The following HERC4 variants were observed in gnomAD, a reference collection of about 807,000 sequenced individuals.
The protein encoded by HERC4 is HECT and RLD domain containing E3 ubiquitin protein ligase 4.
In HERC4, 28 loss-of-function variants were observed where a neutral mutation model predicts 124.3. The observed-to-expected ratio is 0.23, with a 90% CI of 0.17 to 0.31. The LOEUF (loss-of-function observed/expected upper bound fraction) is 0.31, where lower values mean the gene tolerates loss of function less well. HERC4 is among the 10% of genes least tolerant of loss of function. The probability of loss-of-function intolerance (pLI) is 1.00; values close to 1 mark genes in which losing one functional copy is unlikely to be tolerated. For missense variants in HERC4, 713 were observed against 1,229.3 expected (o/e 0.58, Z 6.28); for synonymous variants, 407 against 421.5 (o/e 0.97, Z 0.42).
At chr10:68,047,606 A>G (rs2040077443) in intron 3 of HERC4, among the ~76,000 whole-genome samples, 1 of 152,258 alleles carries the variant, frequency 6.6e-6, no homozygotes, top group East Asian at 1.9e-4. Context: ...ACAAATGGCA[A>G]GCAGGCATAC....
intron 3 of HERC4, 50 bp from the exon 4 acceptor site, chr10:68,044,613 A>G (rs752105220): frequency 2.0e-6 from 3 of 1,527,850 alleles, no homozygotes; most frequent in African/African-American, 2.8e-5. Context: ...GAAATCAAGG[A>G]AAAAGATATT....
At chr10:67,928,497 A>G (rs2031400235) in intron 23 of HERC4, among the ~76,000 whole-genome samples, 1 of 152,124 alleles carries the variant, frequency 6.6e-6, no homozygotes, top group African/African-American at 2.4e-5. Context: ...AGGAGAGGGG[A>G]CATGCATGGT....
chr10:67,957,968 C>T (rs1427011151), intron 16 of HERC4, among the ~76,000 whole-genome samples: 8 of 152,052 alleles, frequency 5.3e-5, no homozygotes, highest in Admixed American at 1.3e-4. Context: ...TCACCACACC[C>T]GGCTAATTTT....
chr10:67,922,818 C>T lies in HERC4; in HGVS notation c.*113G>A, dbSNP rs1378858674. 4 of 754,960 alleles carry T rather than the reference C, an allele frequency of 5.3e-6. No homozygotes were observed. The highest frequency in any genetic ancestry group is 8.7e-6 in the Non-Finnish European group (4 of 457,424). 46.8% of individuals were successfully genotyped at this position (754,960 alleles called of 1,614,324 possible). A position where few individuals can be genotyped will look rare whatever the true frequency, so the allele number is the denominator to read the frequency against. Reference sequence around the variant, plus strand: ...CATGAACACTCGTAGATTGAACATTCTGCAAGTAAGAATTATAATAGTACC... The same window carrying T: ...CATGAACACTCGTAGATTGAACATTTTGCAAGTAAGAATTATAATAGTACC... On this transcript the variant is annotated 3_prime_UTR_variant, in exon 25 of 25. Transcript: ENST00000373700.
At chr10:68,046,237 C>T (rs112649843) in intron 3 of HERC4, among the ~76,000 whole-genome samples, 7 of 152,068 alleles carry the variant, frequency 4.6e-5, no homozygotes, top group Non-Finnish European at 1.0e-4. Flanking sequence ...TCTGTTATCT[C>T]AGAGGCTCCA....
At chr10:67,973,468 T>C (rs541457589) in intron 15 of HERC4, among the ~76,000 whole-genome samples, 2 of 152,378 alleles carry the variant, frequency 1.3e-5, no homozygotes, top group South Asian at 2.1e-4. Context: ...CAATGAGTTC[T>C]GGCATGTTTT....
At chr10:67,940,881 C>A in intron 20 of HERC4, 58 bp downstream of exon 20, 1 of 1,400,006 alleles carries the variant, frequency 7.1e-7, no homozygotes, top group Non-Finnish European at 9.7e-7. Context: ...CTTTCTGTAC[C>A]TTCCCCACTT....
At chr10:68,012,899 A>T (rs1035640809) in intron 9 of HERC4, among the ~76,000 whole-genome samples, 2 of 152,232 alleles carry the variant, frequency 1.3e-5, no homozygotes, top group Admixed American at 6.5e-5. Flanking sequence ...TGGTGATCTC[A>T]TATCACTAAT....
chr10:67,992,631 C>G lies in HERC4; in HGVS notation c.1121G>C (p.Ser374Thr). The G allele has an allele frequency of 6.5e-7, 1 of 1,541,888 alleles. No homozygotes were observed. Among genetic ancestry groups the G allele is most frequent in the Admixed American group, 1.8e-5 (1 of 56,926 alleles). ...VKRIFSGGDQSFSHYSSPQNC... is the reference protein window; with the variant it reads ...VKRIFSGGDQTFSHYSSPQNC... The stretch of plus-strand genomic sequence containing the variant: ...CTGGGGACTAGAGTAATGTGAAAAG[C>G]TTTGATCTCCCCCTGAGAAAATTCT... The change falls in exon 10 of 25, where the codon AGC becomes ACC. Residue 374 changes from serine (S) to threonine (T), a missense_variant. Ser to Thr is a moderately conservative substitution (Grantham distance 58, BLOSUM62 1). Coordinates refer to ENST00000373700, the MANE Select transcript of HERC4 (RefSeq NM_015601.4).
intron 3 of HERC4, among the ~76,000 whole-genome samples, chr10:68,056,559 T>C (rs193033539): frequency 2.0e-5 from 3 of 152,332 alleles, no homozygotes; most frequent in African/African-American, 7.2e-5. Context: ...GTGACTTGAA[T>C]TCTTATAAGA....
chr10:68,061,186 A>G (rs950127725), intron 3 of HERC4, among the ~76,000 whole-genome samples: 3 of 152,154 alleles, frequency 2.0e-5, no homozygotes, highest in Non-Finnish European at 2.9e-5. Flanking sequence ...AAAGCAACTT[A>G]TACCTATGTC....
intron 5 of HERC4, among the ~76,000 whole-genome samples, chr10:68,035,980 C>T (rs1195004796): frequency 6.6e-6 from 1 of 152,078 alleles, no homozygotes; most frequent in African/African-American, 2.4e-5. Context: ...CTGCTTATTA[C>T]TGTATACTGT....
intron 3 of HERC4, among the ~76,000 whole-genome samples, chr10:68,059,843 T>TATTATATATCATAATATATATTATAATA (rs1564609898): frequency 3.8e-5 from 1 of 26,310 alleles, no homozygotes; most frequent in Non-Finnish European, 5.2e-5. Context: ...TATATTATAA[T>TATTATATATCATAATATATATTATAATA]ATATTATATA....
chr10:68,039,383 T>C, intron 4 of HERC4: 1 of 1,543,442 alleles, frequency 6.5e-7, no homozygotes, highest in East Asian at 2.4e-5. Context: ...ACAATATGTT[T>C]CTTATTTCCC....
chr10:68,017,241 A>G (rs986246535), intron 8 of HERC4, among the ~76,000 whole-genome samples: 1 of 152,290 alleles, frequency 6.6e-6, no homozygotes, highest in African/African-American at 2.4e-5. Context: ...CAAGAACGAG[A>G]TATGTAACAA....
At position 67,925,204 on chromosome 10, in the gene HERC4, C is replaced by G. The variant is rs111617068; in HGVS notation, c.2839-17G>C. 96,568 of 1,403,526 alleles carry G rather than the reference C, an allele frequency of 0.069. 4,030 individuals carry two copies. The highest frequency in any genetic ancestry group is 0.082 in the Non-Finnish European group (81,132 of 990,664). 86.9% of individuals were successfully genotyped at this position (1,403,526 alleles called of 1,614,324 possible). A position where few individuals can be genotyped will look rare whatever the true frequency, so the allele number is the denominator to read the frequency against. ...TTCTGTATTCTAAAAACAACATAAT[C>G]TTTTATTAGTATTAAGGGACACACT... On this transcript the variant is annotated splice_polypyrimidine_tract_variant and intron_variant, in intron 23 of 24. Transcript: ENST00000373700.
chr10:67,965,803 G>A (rs912569323), intron 16 of HERC4: 6 of 150,574 alleles, frequency 4.0e-5, no homozygotes, highest in Admixed American at 6.7e-5. Context: ...AATTACCTGG[G>A]TACAGAAAAG....
At chr10:67,957,617 A>G (rs1398216124) in intron 16 of HERC4, among the ~76,000 whole-genome samples, 2 of 152,202 alleles carry the variant, frequency 1.3e-5, no homozygotes, top group Admixed American at 6.5e-5. Context: ...AGTAAAATAT[A>G]AAGAGTTATG....
chr10:68,023,988 G>C (rs1033329541), intron 8 of HERC4, among the ~76,000 whole-genome samples: 1 of 152,062 alleles, frequency 6.6e-6, no homozygotes, highest in African/African-American at 2.4e-5. Context: ...TAAAACTTCT[G>C]TTCATTGAAA....
Sources: allele counts gnomAD v4.1 joint callset (sites outside exome capture counted in the v4.1 genomes callset), GRCh38; gene constraint gnomAD v4.1.1; transcripts MANE v1.5; gene names NCBI Gene and HGNC (gene_info 2026-07-23, HGNC 2026-07-21).